The following TPX2 variants were observed in gnomAD, a reference collection of about 807,000 sequenced individuals.
TPX2 encodes the protein TPX2 microtubule nucleation factor.
Under a neutral mutation model 93.6 loss-of-function variants are expected in TPX2, and 21 were observed. The observed-to-expected ratio is 0.22, with a 90% CI of 0.16 to 0.32. The LOEUF (loss-of-function observed/expected upper bound fraction) is 0.32, where lower values mean the gene tolerates loss of function less well. Among genes scored for constraint, TPX2 ranks in the 10% least tolerant of loss-of-function variants. TPX2 has a pLI of 1.00. For synonymous variants in TPX2, 281 were observed against 298.3 expected (o/e 0.94, Z 0.60); for missense variants, 776 against 871.1 (o/e 0.89, Z 1.37).
intron 4 of TPX2, among the ~76,000 whole-genome samples, chr20:31,762,311 C>T (rs956209571): frequency 4.6e-5 from 7 of 152,016 alleles, no homozygotes; most frequent in African/African-American, 7.2e-5. Flanking sequence ...TGCCCAGAAC[C>T]GTGTCCTAAA....
At chr20:31,752,637 G>A (rs539276898) in intron 2 of TPX2, among the ~76,000 whole-genome samples, 3 of 151,400 alleles carry the variant, frequency 2.0e-5, no homozygotes, top group East Asian at 1.9e-4. Context: ...TTTTTGAGAC[G>A]GAGTCTCGCA....
Position 31,770,317 on chromosome 20 carries a change from A to G in TPX2, c.357-26A>G, listed in dbSNP as rs757187304. 17 of 1,470,784 alleles carry G rather than the reference A, an allele frequency of 1.2e-5. No homozygotes were observed. In the East Asian group the frequency reaches 3.5e-4, roughly 30 times the overall value. 91.1% of individuals were successfully genotyped at this position (1,470,784 alleles called of 1,614,324 possible). Reference sequence around the variant, plus strand: ...TATCTGTAGTATATATATTTATTATATATTTTGTCAATTTCTCTACCATAG... The same window carrying G: ...TATCTGTAGTATATATATTTATTATGTATTTTGTCAATTTCTCTACCATAG... On this transcript the variant is annotated intron_variant, in intron 5 of 17. Transcript: ENST00000300403.
intron 2 of TPX2, among the ~76,000 whole-genome samples, chr20:31,749,102 C>T (rs1166421315): frequency 4.6e-5 from 7 of 151,952 alleles, no homozygotes; most frequent in Admixed American, 2.0e-4. Flanking sequence ...TCCACCACCA[C>T]GCCTGGCTAA....
intron 2 of TPX2, among the ~76,000 whole-genome samples, chr20:31,743,255 T>C (rs2061763982): frequency 6.6e-6 from 1 of 152,186 alleles, no homozygotes; most frequent in African/African-American, 2.4e-5. Flanking sequence ...TATAAAATGA[T>C]GTGTAGTATT....
chr20:31,782,213 C>G (rs143402907), intron 10 of TPX2, 36 bp from the exon 11 acceptor site: 1 of 1,577,110 alleles, frequency 6.3e-7, no homozygotes, highest in Non-Finnish European at 8.6e-7. Flanking sequence ...CTGGGTCTTG[C>G]GGATCTAGAT....
intron 2 of TPX2, among the ~76,000 whole-genome samples, chr20:31,743,020 G>T (rs116631432): frequency 0.013 from 1,907 of 152,126 alleles, 35 homozygotes; most frequent in African/African-American, 0.044. Context: ...TTTGAAACCG[G>T]CTGGCCAACA....
At position 31,770,825 on chromosome 20, in the gene TPX2, A is replaced by G. The variant is rs1177011058; in HGVS notation, c.485+354A>G. On this transcript the variant is annotated intron_variant, in intron 6 of 17. Transcript: ENST00000300403. ...GTCTTCAACTGGAGTGGTTTAAAGA[A>G]TAATGAATTATTTGTTTCACAGAGG... 3.3e-5 allele frequency among the ~76,000 whole-genome samples: 5 copies of G among 151,516 alleles called. 1 individual carries two copies. Among genetic ancestry groups the G allele is most frequent in the Admixed American group, 1.3e-4 (2 of 15,226 alleles).
intron 12 of TPX2, among the ~76,000 whole-genome samples, chr20:31,791,465 T>C (rs2123083450): frequency 6.6e-6 from 1 of 152,268 alleles, no homozygotes; most frequent in South Asian, 2.1e-4. Flanking sequence ...TTTGTATTTT[T>C]AGTAGAGACG....
In TPX2 at chr20:31,757,677, A is replaced by G. The variant is rs569333253; in HGVS notation, c.106+95A>G. 6.6e-6 allele frequency: 6 copies of G among 905,478 alleles called. No homozygotes were observed. The East Asian group carries it at 1.3e-4, about 19-fold the overall frequency. 56.1% of individuals were successfully genotyped at this position (905,478 alleles called of 1,614,324 possible). On this transcript the variant is annotated intron_variant, in intron 3 of 17. Transcript: ENST00000300403. The stretch of plus-strand genomic sequence containing the variant: ...TAGAAGGGGTTGCAAGAAAAGAACT[A>G]AAATATCAACTTCTTTCTGCACCAA...
At chr20:31,752,706 G>A (rs1224308278) in intron 2 of TPX2, among the ~76,000 whole-genome samples, 2 of 151,834 alleles carry the variant, frequency 1.3e-5, no homozygotes, top group African/African-American at 2.4e-5. Flanking sequence ...TCTGCCTCCC[G>A]GGTTCACACC....
At chr20:31,782,930 AC>A (rs1224199678) in intron 11 of TPX2, among the ~76,000 whole-genome samples, 4 of 144,142 alleles carry the variant, frequency 2.8e-5, no homozygotes, top group African/African-American at 7.6e-5. Flanking sequence ...ACACACACAC[AC>A]AAAATCTAAT....
At chr20:31,797,277 A>C (rs1425422508) in intron 15 of TPX2, 127 bp from the exon 16 acceptor site, 1 of 785,168 alleles carries the variant, frequency 1.3e-6, no homozygotes, top group African/African-American at 1.7e-5. Flanking sequence ...AAAGATTTTT[A>C]CTAGGGTTTA....
chr20:31,766,769 C>G, intron 5 of TPX2, 87 bp downstream of exon 5: 3 of 1,190,732 alleles, frequency 2.5e-6, no homozygotes, highest in Non-Finnish European at 2.3e-6. Context: ...TGTGTCTATA[C>G]TGTGTTTATG....
chr20:31,770,247 C>G, intron 5 of TPX2, 96 bp from the exon 6 acceptor site: 1 of 836,936 alleles, frequency 1.2e-6, no homozygotes, highest in Non-Finnish European at 1.6e-6. Flanking sequence ...ATTTTATTGC[C>G]CTTTGTAGTT....
chr20:31,783,933 G>A lies in TPX2; in HGVS notation c.1413+12G>A, dbSNP rs771728295. The A allele has an allele frequency of 6.2e-7, 1 of 1,613,140 alleles. No individual in the cohort carries two copies. Among genetic ancestry groups the A allele is most frequent in the Non-Finnish European group, 8.5e-7 (1 of 1,179,672 alleles). ...TGGAAGATGTTGTGGTAAGGTTGAG[G>A]CTATGTGTGCTGGCAGAAGTGTACT... On this transcript the variant is annotated intron_variant, in intron 12 of 17. Coordinates refer to ENST00000300403, the MANE Select transcript of TPX2 (RefSeq NM_012112.5).
chr20:31,792,104 T>C (rs572378807), intron 12 of TPX2, among the ~76,000 whole-genome samples: 57 of 152,346 alleles, frequency 3.7e-4, no homozygotes, highest in African/African-American at 1.3e-3. Context: ...TTATGAGATA[T>C]AAGGCTGGGT....
intron 5 of TPX2, among the ~76,000 whole-genome samples, chr20:31,768,276 G>A (rs1371300052): frequency 3.5e-5 from 5 of 142,548 alleles, no homozygotes; most frequent in African/African-American, 1.1e-4. Flanking sequence ...TCGCTCTGTC[G>A]CCCAGGCTGG....
At chr20:31,778,363 G>A (rs928097755) in intron 9 of TPX2, among the ~76,000 whole-genome samples, 3 of 152,088 alleles carry the variant, frequency 2.0e-5, no homozygotes, top group African/African-American at 7.2e-5. Flanking sequence ...AATAGGAATA[G>A]GCTTCTTCAT....
chr20:31,745,090 AAAAC>A (rs990194014), intron 2 of TPX2, among the ~76,000 whole-genome samples: 5 of 152,214 alleles, frequency 3.3e-5, no homozygotes, highest in African/African-American at 9.6e-5. Flanking sequence ...TCCATCTCAA[AAAAC>A]AAACAAACAA....
Sources: gnomAD v4.1 joint callset for allele counts (sites outside exome capture counted in the v4.1 genomes callset) on GRCh38, gnomAD v4.1.1 for gene constraint, MANE v1.5 for transcripts, NCBI Gene and HGNC (gene_info 2026-07-23, HGNC 2026-07-21) for gene names.